MAPKAP1: variants seen among roughly 807,000 people sequenced by gnomAD.
MAPKAP1 encodes the protein MAPK associated protein 1, also known as target of rapamycin complex 2 subunit MAPKAP1.
MAPKAP1 carries 20 observed loss-of-function variants against 65.7 expected under a neutral mutation model. That is an observed-to-expected ratio of 0.30 (90% CI 0.21 to 0.44). MAPKAP1 has a LOEUF of 0.44. Among genes scored for constraint, MAPKAP1 ranks in the 20% least tolerant of loss-of-function variants. The pLI is 1.00. For missense variants in MAPKAP1, 423 were observed against 648.0 expected (o/e 0.65, Z 3.77); for synonymous variants, 222 against 244.3 (o/e 0.91, Z 0.85).
At chr9:125,577,472 C>T (rs559846634) in intron 5 of MAPKAP1, among the ~76,000 whole-genome samples, 5 of 144,648 alleles carry the variant, frequency 3.5e-5, no homozygotes, top group African/African-American at 1.3e-4. Flanking sequence ...GCCGCCCCGT[C>T]TGGGAGGTGA....
intron 1 of MAPKAP1, among the ~76,000 whole-genome samples, chr9:125,680,372 G>C (rs1231972497): frequency 2.6e-5 from 4 of 151,760 alleles, no homozygotes; most frequent in Non-Finnish European, 5.9e-5. Flanking sequence ...CATACCTCCT[G>C]GAATTCGAAA....
intron 7 of MAPKAP1, among the ~76,000 whole-genome samples, chr9:125,531,000 G>C (rs1395182963): frequency 6.6e-6 from 1 of 152,240 alleles, no homozygotes; most frequent in Non-Finnish European, 1.5e-5. Flanking sequence ...TCTATTTACA[G>C]AAAAGACAAC....
rs572468629 is a variant in MAPKAP1 at position 125,704,650 on chromosome 9, C to T, written c.-70+2321G>A. ...TTAGCAGAAACTGGAATTTACCTCC[C>T]TTGCCTGGTACTCAAGCCCTCACTG... On this transcript the variant is annotated intron_variant, in intron 1 of 11. Transcript: ENST00000265960. Among the ~76,000 whole-genome samples the T allele has an allele frequency of 9.2e-5, 14 of 152,258 alleles. 1 individual carries two copies. The South Asian group carries it at 2.9e-3, about 32-fold the overall frequency.
At chr9:125,496,319 C>T (rs981862337) in intron 8 of MAPKAP1, among the ~76,000 whole-genome samples, 1 of 152,218 alleles carries the variant, frequency 6.6e-6, no homozygotes, top group Non-Finnish European at 1.5e-5. Flanking sequence ...AAAATCCTCA[C>T]CCTACAGAAA....
chr9:125,634,270 T>C (rs1833364967), intron 4 of MAPKAP1, among the ~76,000 whole-genome samples: 1 of 152,218 alleles, frequency 6.6e-6, no homozygotes, highest in Non-Finnish European at 1.5e-5. Context: ...CAAGGCTTTA[T>C]AAAGAAGTCT....
At chr9:125,451,449 G>A (rs1852945489) in intron 10 of MAPKAP1, among the ~76,000 whole-genome samples, 1 of 152,154 alleles carries the variant, frequency 6.6e-6, no homozygotes, top group Non-Finnish European at 1.5e-5. Flanking sequence ...GTTTGCCCTT[G>A]GGTTTTAGTT....
intron 1 of MAPKAP1, among the ~76,000 whole-genome samples, chr9:125,693,640 CACAT>C (rs1450735255): frequency 7.0e-6 from 1 of 143,342 alleles, no homozygotes; most frequent in African/African-American, 2.9e-5. Flanking sequence ...CATATACACA[CACAT>C]ATACACGTAT....
At chr9:125,515,726 T>G (rs1313412434) in intron 7 of MAPKAP1, among the ~76,000 whole-genome samples, 2 of 152,220 alleles carry the variant, frequency 1.3e-5, no homozygotes, top group Non-Finnish European at 2.9e-5. Flanking sequence ...TTGCCCCCAT[T>G]AACTTTCAAT....
rs879054067 is a variant in MAPKAP1 at position 125,438,715 on chromosome 9, G to A, written c.*172C>T. The A allele has an allele frequency of 4.1e-5, 29 of 711,064 alleles. No individual in the cohort carries two copies. The highest frequency in any genetic ancestry group is 1.9e-4 in the Admixed American group (7 of 36,842). The allele number at this position is 711,064 out of a possible 1,614,324, so 44.0% of individuals were successfully genotyped here. A position where few individuals can be genotyped will look rare whatever the true frequency, so the allele number is the denominator to read the frequency against. On this transcript the variant is annotated 3_prime_UTR_variant, in exon 12 of 12. Coordinates refer to ENST00000265960, the MANE Select transcript of MAPKAP1 (RefSeq NM_001006617.3). The stretch of plus-strand genomic sequence containing the variant: ...TCCGTCCCATGGCAATGTCCCCAGC[G>A]CTCCCTCCTAGGGGGCCCCCGACAC...
intron 7 of MAPKAP1, among the ~76,000 whole-genome samples, chr9:125,535,581 C>A (rs1366323902): frequency 6.6e-6 from 1 of 152,160 alleles, no homozygotes; most frequent in East Asian, 1.9e-4. Context: ...CTTGATTAAT[C>A]CTCACTCAGC....
At chr9:125,580,549 G>C (rs1831588271) in intron 5 of MAPKAP1, among the ~76,000 whole-genome samples, 1 of 121,412 alleles carries the variant, frequency 8.2e-6, no homozygotes, top group African/African-American at 3.0e-5. Flanking sequence ...GGTGGGGGGA[G>C]GGGGAGGGAT....
chr9:125,623,322 C>G (rs1832970265), intron 4 of MAPKAP1, among the ~76,000 whole-genome samples: 1 of 69,874 alleles, frequency 1.4e-5, no homozygotes, highest in Non-Finnish European at 2.9e-5. Flanking sequence ...AGCGTCTCCG[C>G]CCGGCCACCA....
rs2132907576 is a variant in MAPKAP1, at chr9:125,437,961, T to A, written c.*926A>T. 6.3e-6 allele frequency: 1 copy of A among 159,636 alleles called. No homozygotes were observed. Among genetic ancestry groups the A allele is most frequent in the South Asian group, 2.0e-4 (1 of 4,910 alleles). The allele number at this position is 159,636 out of a possible 1,614,324, so 9.9% of individuals were successfully genotyped here. A position where few individuals can be genotyped will look rare whatever the true frequency, so the allele number is the denominator to read the frequency against. On this transcript the variant is annotated 3_prime_UTR_variant, in exon 12 of 12. Coordinates refer to ENST00000265960, the MANE Select transcript of MAPKAP1 (RefSeq NM_001006617.3). ...CCCTGAAACGTGAGAAACAGCAGCT[T>A]TCCGCCTGCTTGAAAAAGGAGGCAG...
intron 6 of MAPKAP1, among the ~76,000 whole-genome samples, chr9:125,556,984 C>G (rs1589285748): frequency 6.6e-6 from 1 of 152,310 alleles, no homozygotes; most frequent in East Asian, 1.9e-4. Flanking sequence ...TTTTCAGAAA[C>G]ACTCCAGACA....
chr9:125,686,797 C>T (rs1834993768), intron 1 of MAPKAP1, among the ~76,000 whole-genome samples: 1 of 151,980 alleles, frequency 6.6e-6, no homozygotes, highest in African/African-American at 2.4e-5. Context: ...CTGATTTGAA[C>T]AGGCATTACT....
chr9:125,502,714 T>C (rs1829021210), intron 8 of MAPKAP1, among the ~76,000 whole-genome samples: 1 of 152,206 alleles, frequency 6.6e-6, no homozygotes, highest in Admixed American at 6.5e-5. Context: ...ATGGTCAATA[T>C]TGGTAAATGT....
At chr9:125,539,942 A>G (rs1028206553) in intron 7 of MAPKAP1, among the ~76,000 whole-genome samples, 1 of 152,230 alleles carries the variant, frequency 6.6e-6, no homozygotes, top group African/African-American at 2.4e-5. Flanking sequence ...ATTGACTGAA[A>G]CATACTGTGA....
chr9:125,548,810 T>C (rs538374831), intron 6 of MAPKAP1, among the ~76,000 whole-genome samples: 3 of 152,330 alleles, frequency 2.0e-5, no homozygotes, highest in South Asian at 4.1e-4. Context: ...GCACTTACTT[T>C]GTTTAATCCT....
intron 6 of MAPKAP1, 82 bp from the exon 7 acceptor site, chr9:125,543,250 G>T: frequency 9.9e-7 from 1 of 1,007,482 alleles, no homozygotes; most frequent in Non-Finnish European, 1.5e-6. Flanking sequence ...GTTTAAGCAA[G>T]TTTTTTTTGT....
Sources: gnomAD v4.1 joint callset for allele counts (sites outside exome capture counted in the v4.1 genomes callset) on GRCh38, gnomAD v4.1.1 for gene constraint, MANE v1.5 for transcripts, NCBI Gene and HGNC (gene_info 2026-07-23, HGNC 2026-07-21) for gene names.